The following ORC1 variants were observed in gnomAD, a reference collection of about 807,000 sequenced individuals.
ORC1 encodes origin recognition complex, subunit 1 homolog.
ORC1 carries 61 observed loss-of-function variants against 98.9 expected under a neutral mutation model. The observed-to-expected ratio is 0.62, with a 90% CI of 0.50 to 0.76. The LOEUF (loss-of-function observed/expected upper bound fraction) is 0.76, where lower values mean the gene tolerates loss of function less well. Ranked by LOEUF, ORC1 falls within the 30% of genes least tolerant of loss-of-function variation. The probability of loss-of-function intolerance (pLI) is 0.00; values close to 1 mark genes in which losing one functional copy is unlikely to be tolerated. For missense variants in ORC1, 979 were observed against 1,072.2 expected, an observed-to-expected ratio of 0.91 and a Z score of 1.21; for synonymous variants, 385 against 406.9, an observed-to-expected ratio of 0.95 and a Z score of 0.65.
intron 4 of ORC1, among the ~76,000 whole-genome samples, chr1:52,397,092 AAATT>A (rs1426066664): frequency 6.6e-6 from 1 of 152,186 alleles, no homozygotes; most frequent in African/African-American, 2.4e-5. Context: ...ACTCAAAGAT[AAATT>A]AAGATAATCA....
intron 14 of ORC1, among the ~76,000 whole-genome samples, chr1:52,380,037 T>A (rs1017011799): frequency 3.3e-5 from 5 of 152,180 alleles, no homozygotes; most frequent in Non-Finnish European, 7.3e-5. Flanking sequence ...AGGTGTCCCT[T>A]ACCAAAAATA....
At chr1:52,408,459 A>G, upstream of ORC1, 1 of 1,462,864 alleles carries the variant, frequency 6.8e-7, no homozygotes. Flanking sequence ...CAGCTTTCTT[A>G]CCTGCCAAAG....
chr1:52,397,754 T>C lies in ORC1; in HGVS notation c.333A>G (p.Glu111=). 6.2e-7 allele frequency: 1 copy of C among 1,614,194 alleles called. No homozygotes were observed. The highest frequency in any genetic ancestry group is 8.5e-7 in the Non-Finnish European group (1 of 1,180,026). Residue 111 remains glutamate, a synonymous_variant, in exon 4 of 17, where the codon GAA becomes GAG. Transcript: ENST00000371568. ...AGGCCGGGTAATCATACCAGAATAT[T>C]TCCTGTGCACCAGGCTTCCGGCCCA... ...HLLGRKPGAQ[E]IFWYDYPACD...
In ORC1 at chr1:52,385,835, A is replaced by C. The variant is rs201198222; in HGVS notation, c.1481+17T>G. On this transcript the variant is annotated intron_variant, in intron 9 of 16. Transcript: ENST00000371568. ...ATGGTTCCTGCCTCTCTGAAGGGGA[A>C]TCAACAGCAGCAGTACCTCAGTCGG... 1 of 1,585,790 alleles carries C rather than the reference A, an allele frequency of 6.3e-7. No individual in the cohort carries two copies. The highest frequency in any genetic ancestry group is 1.3e-5 in the African/African-American group (1 of 74,468).
chr1:52,383,822 C>G lies in ORC1; in HGVS notation c.1863+8G>C. On this transcript the variant is annotated splice_region_variant and intron_variant, in intron 12 of 16. Coordinates refer to ENST00000371568, the MANE Select transcript of ORC1 (RefSeq NM_004153.4). ...GTTTCTTCTCCTGTCCGCCCATGGG[C>G]ACCTCACCTCATCCACAAGCAGGAC... is the stretch of plus-strand genomic sequence containing the variant. The G allele has an allele frequency of 3.1e-6, 5 of 1,608,350 alleles. No individual in the cohort carries two copies. The highest frequency in any genetic ancestry group is 3.4e-6 in the Non-Finnish European group (4 of 1,174,936).
chr1:52,405,558 C>T (rs1647958817), upstream of ORC1: 1 of 828,894 alleles, frequency 1.2e-6, no homozygotes, highest in Non-Finnish European at 2.0e-6. Flanking sequence ...TATTAATACA[C>T]ATTCGTTCTC....
rs998368183 is a variant in ORC1, at chr1:52,383,251, G to A, written c.2013+169C>T. ...TTTAGTAGAGACGGGGTTTCACTGT[G>A]TTGGCCAGGCTGGTCTTGAACTCCT... On this transcript the variant is annotated intron_variant, in intron 13 of 16. Transcript: ENST00000371568. Among the ~76,000 whole-genome samples the A allele has an allele frequency of 1.5e-4, 23 of 151,892 alleles. 2 individuals are homozygous for A. Among genetic ancestry groups the A allele is most frequent in the Admixed American group, 1.4e-3 (22 of 15,260 alleles).
In ORC1 at chr1:52,373,171, T is replaced by C; in HGVS notation, c.*10A>G. 3.1e-6 allele frequency: 5 copies of C among 1,613,730 alleles called. No individual in the cohort carries two copies. The highest frequency in any genetic ancestry group is 4.2e-6 in the Non-Finnish European group (5 of 1,179,822). Reference sequence around the variant, plus strand: ...AGCAAGACCCCAGTCTTTTAACTTGTGAAGCCCCTTTACTCGTCTTTCAGC... The same window carrying C: ...AGCAAGACCCCAGTCTTTTAACTTGCGAAGCCCCTTTACTCGTCTTTCAGC... On this transcript the variant is annotated 3_prime_UTR_variant, in exon 17 of 17. Transcript: ENST00000371568.
Position 52,373,415 on chromosome 1 carries a change from A to C in ORC1, c.2392-40T>G. 5 of 1,549,422 alleles carry C rather than the reference A, an allele frequency of 3.2e-6. No homozygotes were observed. The East Asian group carries it at 9.0e-5, about 28-fold the overall frequency. On this transcript the variant is annotated intron_variant, in intron 16 of 16. Coordinates refer to ENST00000371568, the MANE Select transcript of ORC1 (RefSeq NM_004153.4). ...CAAGGCAAAGGTTAAGAGGAAATAC[A>C]ATCCTGGGGCTTTTTCTGTTCCTTT...
chr1:52,389,468 G>C, intron 6 of ORC1, 147 bp from the exon 7 acceptor site: 2 of 676,580 alleles, frequency 3.0e-6, no homozygotes, highest in Non-Finnish European at 5.3e-6. Flanking sequence ...CTGCTAAAAA[G>C]TTGGCAAAAA....
Position 52,385,168 on chromosome 1 carries a change from T to C in ORC1, c.1576A>G (p.Thr526Ala). The change falls in exon 10 of 17, where the codon ACC becomes GCC. Residue 526 changes from threonine (T) to alanine (A), a missense_variant. Thr to Ala is a moderately conservative substitution (Grantham distance 58). Coordinates refer to ENST00000371568, the MANE Select transcript of ORC1 (RefSeq NM_004153.4). ...CTGCCTCACATGACTCACCCTCCGG[T>C]ATGGTCAAGGAGTTTGCTTTCCACA... ...NFVESKLLDH[T>A]GGCMYISGVP... 6 of 1,608,582 alleles carry C rather than the reference T, an allele frequency of 3.7e-6. No individual in the cohort carries two copies. Among genetic ancestry groups the C allele is most frequent in the Non-Finnish European group, 5.1e-6 (6 of 1,175,022 alleles).
Position 52,375,491 on chromosome 1 carries a change from T to G in ORC1, c.2242A>C (p.Ile748Leu), listed in dbSNP as rs1334557567. Residue 748 changes from isoleucine to leucine, a missense_variant, in exon 15 of 17, where the codon ATA becomes CTA. By Grantham distance (5) the Ile-to-Leu change is conservative. Coordinates refer to ENST00000371568, the MANE Select transcript of ORC1 (RefSeq NM_004153.4). ...QKPDSPGLVTIAHSMEAVDEM... is the reference protein window; with the variant it reads ...QKPDSPGLVTLAHSMEAVDEM... ...TCCACAGCTTCCATTGAGTGGGCTA[T>G]GGTGACCAGGCCAGGGGAGTCAGGC... 1 of 1,614,166 alleles carries G rather than the reference T, an allele frequency of 6.2e-7. No homozygotes were observed. The highest frequency in any genetic ancestry group is 1.6e-4 in the Middle Eastern group (1 of 6,062).
At chr1:52,386,000 C>A (rs1333097391) in intron 8 of ORC1, 51 bp from the exon 9 acceptor site, 1 of 1,240,418 alleles carries the variant, frequency 8.1e-7, no homozygotes, top group Non-Finnish European at 1.2e-6. Flanking sequence ...AAAACACCAT[C>A]CAGGACACAC....
At chr1:52,374,937 T>C in intron 15 of ORC1, 40 bp from the exon 16 acceptor site, 5 of 1,285,420 alleles carry the variant, frequency 3.9e-6, no homozygotes, top group South Asian at 1.2e-5. Context: ...TGTCAGTGGC[T>C]GTAACCCCAG....
chr1:52,392,193 G>T (rs183253410), intron 6 of ORC1, among the ~76,000 whole-genome samples: 1 of 151,192 alleles, frequency 6.6e-6, no homozygotes, highest in Non-Finnish European at 1.5e-5. Context: ...GCAGTGGCGC[G>T]ACCTCCGCTC....
In ORC1 at chr1:52,383,351, T is replaced by C. The variant is rs1306059075; in HGVS notation, c.2013+69A>G. 1.4e-5 allele frequency: 22 copies of C among 1,595,386 alleles called. No individual in the cohort carries two copies. The East Asian group carries it at 2.9e-4, about 21-fold the overall frequency. On this transcript the variant is annotated intron_variant, in intron 13 of 16. Transcript: ENST00000371568. Reference sequence around the variant, plus strand: ...GGCGTGAGCCACCACACCTGGACCATTTTTGCAGAACTTCTTGGCCAAGCT... The same window carrying C: ...GGCGTGAGCCACCACACCTGGACCACTTTTGCAGAACTTCTTGGCCAAGCT...
intron 9 of ORC1, 121 bp downstream of exon 9, chr1:52,385,731 A>C (rs1647133231): frequency 2.7e-6 from 2 of 749,124 alleles, no homozygotes; most frequent in Admixed American, 4.0e-5. Flanking sequence ...GATAGGTAAA[A>C]GTATAGACAC....
rs530272773 is a variant in ORC1 at position 52,392,718 on chromosome 1, A to G, written c.1082+725T>C. On this transcript the variant is annotated intron_variant, in intron 6 of 16. Coordinates refer to ENST00000371568, the MANE Select transcript of ORC1 (RefSeq NM_004153.4). ...ATGTGGTACATATTTACCATGGAAT[A>G]CTACTCAGCCATAAAACAATGAAAT... 1.9e-4 allele frequency among the ~76,000 whole-genome samples: 29 copies of G among 152,366 alleles called. No homozygotes were observed. The South Asian group carries it at 2.5e-3, about 13-fold the overall frequency.
At chr1:52,402,261 A>G in intron 1 of ORC1, 33 bp from the exon 2 acceptor site, 1 of 1,497,414 alleles carries the variant, frequency 6.7e-7, no homozygotes, top group Non-Finnish European at 9.3e-7. Flanking sequence ...AGTTACCATG[A>G]TAAATATTTG....
Sources: gnomAD v4.1 joint callset for allele counts (sites outside exome capture counted in the v4.1 genomes callset) on GRCh38, gnomAD v4.1.1 for gene constraint, MANE v1.5 for transcripts, NCBI Gene and HGNC (gene_info 2026-07-23, HGNC 2026-07-21) for gene names.